HOOK3: variants seen among roughly 807,000 people sequenced by gnomAD.
HOOK3 encodes protein Hook homolog 3.
In HOOK3, 24 loss-of-function variants were observed where a neutral mutation model predicts 116.3. The observed-to-expected ratio is 0.21, with a 90% confidence interval of 0.15 to 0.29. The LOEUF is 0.29. Among genes scored for constraint, HOOK3 ranks in the 10% least tolerant of loss-of-function variants. The probability of loss-of-function intolerance (pLI) is 1.00; values close to 1 mark genes in which losing one functional copy is unlikely to be tolerated. For missense variants in HOOK3, 632 were observed against 830.2 expected, an observed-to-expected ratio of 0.76 and a Z score of 2.93; for synonymous variants, 275 against 283.0, an observed-to-expected ratio of 0.97 and a Z score of 0.28.
At chr8:42,962,491 C>T (rs1272837929) in intron 8 of HOOK3, among the ~76,000 whole-genome samples, 10 of 150,548 alleles carry the variant, frequency 6.6e-5, no homozygotes, top group Admixed American at 4.7e-4. Flanking sequence ...ACTATAGCCT[C>T]GACCTCTTGG....
intron 1 of HOOK3, among the ~76,000 whole-genome samples, chr8:42,905,336 G>GGGGT (rs1204044294): frequency 2.0e-4 from 26 of 129,458 alleles, no homozygotes; most frequent in African/African-American, 2.2e-4. Context: ...GGGGGGGGGG[G>GGGGT]TGCCGTGGTG....
intron 2 of HOOK3, among the ~76,000 whole-genome samples, chr8:42,915,542 C>T (rs1390915260): frequency 1.3e-5 from 2 of 152,144 alleles, no homozygotes; most frequent in Non-Finnish European, 2.9e-5. Flanking sequence ...AGCGATTCTC[C>T]TGCCCCAGCC....
At chr8:42,903,817 A>G (rs1387482657) in intron 1 of HOOK3, among the ~76,000 whole-genome samples, 2 of 151,584 alleles carry the variant, frequency 1.3e-5, no homozygotes, top group East Asian at 2.0e-4. Context: ...TTAGCCGGGC[A>G]TGGTAGCGGG....
intron 15 of HOOK3, among the ~76,000 whole-genome samples, chr8:42,990,408 A>G (rs988426056): frequency 1.4e-4 from 18 of 126,554 alleles, no homozygotes; most frequent in African/African-American, 5.2e-4. Flanking sequence ...TGGCACAATC[A>G]CAGCTCACTG....
rs1334672181 is a variant in HOOK3 at position 42,925,163 on chromosome 8, T to C, written c.144-394T>C. Among the ~76,000 whole-genome samples, 6 of 152,128 alleles carry C rather than the reference T, an allele frequency of 3.9e-5. No individual in the cohort carries two copies. In the East Asian group the frequency reaches 1.2e-3, roughly 30 times the overall value. On this transcript the variant is annotated intron_variant, in intron 2 of 21. Coordinates refer to ENST00000307602, the MANE Select transcript of HOOK3 (RefSeq NM_032410.4). ...CCCAGGCTGGAGTGCAGTGGTGTAA[T>C]CTTGGCTTGCTGCAACCTCTGCCTC... is the stretch of plus-strand genomic sequence containing the variant.
chr8:42,989,992 T>A (rs543053408), intron 15 of HOOK3, among the ~76,000 whole-genome samples: 23 of 152,242 alleles, frequency 1.5e-4, no homozygotes, highest in African/African-American at 4.6e-4. Context: ...CCTATTAATT[T>A]TTTTATTTTA....
chr8:42,916,601 C>A (rs1349877559), intron 2 of HOOK3, among the ~76,000 whole-genome samples: 1 of 152,218 alleles, frequency 6.6e-6, no homozygotes, highest in Non-Finnish European at 1.5e-5. Context: ...GTGTTCACCT[C>A]TTGAAAGTGC....
rs569948381 is a variant in HOOK3 at position 43,022,306 on chromosome 8, T to A, written c.*3808T>A. 1.5e-5 allele frequency: 3 copies of A among 206,220 alleles called. No individual in the cohort carries two copies. Among genetic ancestry groups the A allele is most frequent in the Admixed American group, 5.9e-5 (1 of 16,832 alleles). 12.8% of individuals were successfully genotyped at this position (206,220 alleles called of 1,614,324 possible). A position where few individuals can be genotyped will look rare whatever the true frequency, so the allele number is the denominator to read the frequency against. On this transcript the variant is annotated 3_prime_UTR_variant, in exon 22 of 22. Transcript: ENST00000307602. ...AGTCACTAGGAGCTTTGCCTCATCG[T>A]GAGTGATGCTGTGCTGTATTTTTAC... is the stretch of plus-strand genomic sequence containing the variant.
chr8:42,922,092 C>G (rs550590065), intron 2 of HOOK3, among the ~76,000 whole-genome samples: 1 of 152,242 alleles, frequency 6.6e-6, no homozygotes, highest in African/African-American at 2.4e-5. Flanking sequence ...TTTCTTACAC[C>G]ATGCAAAAAT....
At chr8:42,946,540 G>T (rs981658472) in intron 5 of HOOK3, among the ~76,000 whole-genome samples, 7 of 151,786 alleles carry the variant, frequency 4.6e-5, no homozygotes, top group Admixed American at 4.6e-4. Flanking sequence ...AAGCCCAAAG[G>T]TTTTTTTCTT....
chr8:42,906,836 G>A (rs910786606), intron 2 of HOOK3, among the ~76,000 whole-genome samples: 2 of 152,166 alleles, frequency 1.3e-5, no homozygotes, highest in African/African-American at 4.8e-5. Context: ...AGCAACAGGC[G>A]AATGCGTGGT....
intron 13 of HOOK3, among the ~76,000 whole-genome samples, chr8:42,980,993 C>T (rs1451626202): frequency 6.6e-6 from 1 of 152,112 alleles, no homozygotes; most frequent in East Asian, 1.9e-4. Flanking sequence ...AGCAGGCAGG[C>T]TCTTACCAGA....
At chr8:42,986,607 A>G (rs1809053476) in intron 14 of HOOK3, 48 bp from the exon 15 acceptor site, 1 of 1,477,202 alleles carries the variant, frequency 6.8e-7, no homozygotes, top group Non-Finnish European at 9.3e-7. Context: ...ATATTAATGC[A>G]CCAAATGACT....
intron 17 of HOOK3, among the ~76,000 whole-genome samples, chr8:43,005,159 T>A (rs147876903): frequency 1.4e-5 from 2 of 148,118 alleles, no homozygotes; most frequent in African/African-American, 2.5e-5. Flanking sequence ...TGTATAAAAT[T>A]TAAATTGCAC....
At position 43,023,459 on chromosome 8, in the gene HOOK3, C is replaced by G. The variant is rs868026014; in HGVS notation, c.*4961C>G. Reference sequence around the variant, plus strand: ...TTTTCTTTTCTTTTCTTTTCTCCCTCCTTTCTTCCTTCCCTTCCCTTCCCC... The same window carrying G: ...TTTTCTTTTCTTTTCTTTTCTCCCTGCTTTCTTCCTTCCCTTCCCTTCCCC... On this transcript the variant is annotated 3_prime_UTR_variant, in exon 22 of 22. Coordinates refer to ENST00000307602, the MANE Select transcript of HOOK3 (RefSeq NM_032410.4). The G allele has an allele frequency of 9.6e-5, 16 of 166,974 alleles. 1 individual carries two copies. Among genetic ancestry groups the G allele is most frequent in the Middle Eastern group, 5.0e-3 (2 of 400 alleles). 10.3% of individuals were successfully genotyped at this position (166,974 alleles called of 1,614,324 possible).
chr8:43,017,376 C>T (rs535088511), intron 21 of HOOK3, among the ~76,000 whole-genome samples: 1 of 152,266 alleles, frequency 6.6e-6, no homozygotes, highest in East Asian at 1.9e-4. Context: ...AAGCGAGCCT[C>T]CCACCTCAGC....
intron 2 of HOOK3, among the ~76,000 whole-genome samples, chr8:42,924,127 T>G (rs1422971228): frequency 3.6e-5 from 5 of 137,734 alleles, no homozygotes; most frequent in Middle Eastern, 3.3e-3. Flanking sequence ...TGTCATTCTG[T>G]TTTTTTTTGA....
chr8:42,934,176 C>T (rs977436400), intron 4 of HOOK3, among the ~76,000 whole-genome samples: 1 of 151,958 alleles, frequency 6.6e-6, no homozygotes, highest in African/African-American at 2.4e-5. Flanking sequence ...CCCTTTCTCT[C>T]GTTTTTTCTC....
At chr8:42,968,498 T>G (rs1808672314) in intron 11 of HOOK3, among the ~76,000 whole-genome samples, 1 of 152,008 alleles carries the variant, frequency 6.6e-6, no homozygotes, top group Non-Finnish European at 1.5e-5. Flanking sequence ...CCTGGCTAAT[T>G]TTTTGTATTT....
Sources: allele counts gnomAD v4.1 joint callset (sites outside exome capture counted in the v4.1 genomes callset), GRCh38; gene constraint gnomAD v4.1.1; transcripts MANE v1.5; gene names NCBI Gene and HGNC (gene_info 2026-07-23, HGNC 2026-07-21).